The following CHD6 variants were observed in gnomAD, a reference collection of about 807,000 sequenced individuals.
CHD6 encodes the protein chromodomain helicase DNA binding protein 6, also known as ATP-dependent chromatin remodeler CHD6.
Under a neutral mutation model 276.9 loss-of-function variants are expected in CHD6, and 50 were observed. That is an observed-to-expected ratio of 0.18 (90% confidence interval 0.14 to 0.23). The LOEUF (loss-of-function observed/expected upper bound fraction) is 0.23. CHD6 is among the 10% of genes least tolerant of loss of function. The pLI is 1.00. For missense variants in CHD6, 2,564 were observed against 3,365.8 expected, an observed-to-expected ratio of 0.76 and a Z score of 5.89; for synonymous variants, 1,173 against 1,229.3, an observed-to-expected ratio of 0.95 and a Z score of 0.96.
intron 36 of CHD6, among the ~76,000 whole-genome samples, chr20:41,409,898 T>C (rs1355499150): frequency 6.6e-6 from 1 of 152,210 alleles, no homozygotes; most frequent in African/African-American, 2.4e-5. Context: ...AATATATACA[T>C]ATGTAACTTA....
At position 41,509,507 on chromosome 20, in the gene CHD6, G is replaced by A. The variant is rs572620388; in HGVS notation, c.852+3339C>T. ...CAGCTCGGAGGAGCAAGGAACTTTCGGGAGGAGGAAACAACTGAGCTCAGC... is the reference window on the plus strand; with the variant it reads ...CAGCTCGGAGGAGCAAGGAACTTTCAGGAGGAGGAAACAACTGAGCTCAGC... On this transcript the variant is annotated intron_variant, in intron 5 of 36. Coordinates refer to ENST00000373233, the MANE Select transcript of CHD6 (RefSeq NM_032221.5). Among the ~76,000 whole-genome samples, 74 of 152,234 alleles carry A rather than the reference G, an allele frequency of 4.9e-4. 1 individual carries two copies. Among genetic ancestry groups the A allele is most frequent in the African/African-American group, 1.8e-3 (73 of 41,538 alleles).
rs146041104 is a variant in CHD6 at position 41,420,610 on chromosome 20, C to T, written c.6025G>A (p.Val2009Ile). Residue 2009 changes from valine (V) to isoleucine (I), a missense_variant, in exon 31 of 37, where the codon GTT (valine) becomes ATT (isoleucine). Physicochemically the swap from Val to Ile is conservative, Grantham distance 29. This residue lies in a region of CHD6 where 1,024 missense variants were observed against 1,047.9 expected (regional missense o/e 0.98). Coordinates refer to ENST00000373233, the MANE Select transcript of CHD6 (RefSeq NM_032221.5). ...CCTTCAAGAGGATATGTGGGGAAAA[C>T]GTTTTGCCCCTCTGCACTTTCTTTC... ...PWKESAEGQN[V>I]FPTYPLEGSE... The T allele has an allele frequency of 4.3e-5, 70 of 1,614,196 alleles. No homozygotes were observed. The African/African-American group carries it at 4.8e-4, about 11-fold the overall frequency.
chr20:41,444,833 A>G (rs980674450), intron 25 of CHD6, among the ~76,000 whole-genome samples: 2 of 152,208 alleles, frequency 1.3e-5, no homozygotes, highest in African/African-American at 4.8e-5. Context: ...AAGTGAGAAA[A>G]TAAGAGAAGC....
At position 41,490,050 on chromosome 20, in the gene CHD6, C is replaced by T. The variant is rs373365755; in HGVS notation, c.1437-29G>A. The T allele has an allele frequency of 8.7e-6, 14 of 1,600,100 alleles. No homozygotes were observed. The South Asian group carries it at 1.5e-4, about 18-fold the overall frequency. ...CAGAGAGTGAGAAATATAGGTAATT[C>T]ATTATCAATATAGGAAACTTATAGA... On this transcript the variant is annotated intron_variant, in intron 11 of 36. Transcript: ENST00000373233.
chr20:41,548,970 G>C (rs1233052058), intron 2 of CHD6, among the ~76,000 whole-genome samples: 3 of 152,056 alleles, frequency 2.0e-5, no homozygotes, highest in Non-Finnish European at 4.4e-5. Flanking sequence ...TTAGAATGGC[G>C]TTCATTAAAA....
intron 1 of CHD6, among the ~76,000 whole-genome samples, chr20:41,604,398 G>A (rs2045805865): frequency 6.6e-6 from 1 of 152,168 alleles, no homozygotes; most frequent in Non-Finnish European, 1.5e-5. Context: ...GTCCTTAATA[G>A]TTTTTTAAAA....
intron 1 of CHD6, among the ~76,000 whole-genome samples, chr20:41,580,497 A>AC (rs1262086472): frequency 1.3e-5 from 2 of 151,978 alleles, no homozygotes; most frequent in East Asian, 3.9e-4. Context: ...TCTAAAAAAA[A>AC]ATAAAAAATT....
intron 31 of CHD6, 113 bp from the exon 32 acceptor site, chr20:41,417,462 G>T (rs1002907613): frequency 3.1e-5 from 27 of 879,266 alleles, no homozygotes; most frequent in Non-Finnish European, 4.4e-5. Flanking sequence ...AGCTCATTCT[G>T]TGCTATTTTA....
Position 41,569,378 on chromosome 20 carries a change from T to C in CHD6, c.-23-18018A>G, listed in dbSNP as rs115557939. Among the ~76,000 whole-genome samples, 1,263 of 152,354 alleles carry C rather than the reference T, an allele frequency of 8.3e-3. 17 individuals carry two copies. Among genetic ancestry groups the C allele is most frequent in the African/African-American group, 0.027 (1,119 of 41,590 alleles). The stretch of plus-strand genomic sequence containing the variant: ...ACAAATTGGTACAGACTTGGTCACC[T>C]ACTTTAAACTCATACTATATTAGCA... On this transcript the variant is annotated intron_variant, in intron 1 of 36. Transcript: ENST00000373233.
intron 1 of CHD6, among the ~76,000 whole-genome samples, chr20:41,585,330 C>G (rs551096196): frequency 6.6e-6 from 1 of 151,796 alleles, no homozygotes; most frequent in Admixed American, 6.6e-5. Context: ...ATGGAGAAAC[C>G]GTCTTTACTA....
chr20:41,574,386 T>C lies in CHD6; in HGVS notation c.-23-23026A>G, dbSNP rs4812528. On this transcript the variant is annotated intron_variant, in intron 1 of 36. Coordinates refer to ENST00000373233, the MANE Select transcript of CHD6 (RefSeq NM_032221.5). ...CTAGTTTTTTCTTCTCTGGGATAAA[T>C]ATACCAGGTTCCTAGCTCCTCTACT... is the stretch of plus-strand genomic sequence containing the variant. Among the ~76,000 whole-genome samples the C allele has an allele frequency of 8.2e-4, 125 of 152,204 alleles. 1 individual carries two copies. Among genetic ancestry groups the C allele is most frequent in the African/African-American group, 2.9e-3 (120 of 41,542 alleles).
intron 31 of CHD6, among the ~76,000 whole-genome samples, chr20:41,419,264 G>A (rs1445817292): frequency 6.6e-6 from 1 of 151,954 alleles, no homozygotes; most frequent in Non-Finnish European, 1.5e-5. Flanking sequence ...AAACCAAGAC[G>A]AGGAGTTTAA....
chr20:41,488,661 A>C, intron 12 of CHD6, 57 bp from the exon 13 acceptor site: 1 of 1,510,108 alleles, frequency 6.6e-7, no homozygotes. Context: ...AATTCTGCTA[A>C]TATCTGCTGG....
chr20:41,503,974 A>T (rs374610460), intron 5 of CHD6, among the ~76,000 whole-genome samples: 3 of 144,332 alleles, frequency 2.1e-5, no homozygotes, highest in East Asian at 2.2e-4. Context: ...TCTACTTGGG[A>T]GGCTGAGGAA....
intron 3 of CHD6, among the ~76,000 whole-genome samples, chr20:41,519,436 T>C (rs1182869824): frequency 6.6e-6 from 1 of 152,246 alleles, no homozygotes; most frequent in Non-Finnish European, 1.5e-5. Flanking sequence ...TGAGGTTATT[T>C]ATTACAACAT....
intron 1 of CHD6, among the ~76,000 whole-genome samples, chr20:41,602,630 TGGGG>T (rs1387369281): frequency 6.6e-6 from 1 of 152,220 alleles, no homozygotes; most frequent in Non-Finnish European, 1.5e-5. Flanking sequence ...TACAAGTCAG[TGGGG>T]TCATCACCAG....
At chr20:41,479,539 GA>G (rs1439878749) in intron 16 of CHD6, among the ~76,000 whole-genome samples, 7 of 150,778 alleles carry the variant, frequency 4.6e-5, no homozygotes, top group African/African-American at 1.5e-4. Flanking sequence ...GGAAGAAAAG[GA>G]AAAAAAAGTG....
At chr20:41,453,720 C>A (rs1490044908) in intron 20 of CHD6, among the ~76,000 whole-genome samples, 1 of 152,172 alleles carries the variant, frequency 6.6e-6, no homozygotes, top group Admixed American at 6.5e-5. Flanking sequence ...GACCCAGTGT[C>A]CTGCACACAC....
intron 23 of CHD6, among the ~76,000 whole-genome samples, chr20:41,448,902 T>C (rs2048151570): frequency 6.6e-6 from 1 of 151,140 alleles, no homozygotes; most frequent in African/African-American, 2.4e-5. Context: ...ATTCTGAGAG[T>C]ATTTTTTTTT....
Sources: gnomAD v4.1 joint callset for allele counts (sites outside exome capture counted in the v4.1 genomes callset) on GRCh38, gnomAD v4.1.1 for gene constraint, gnomAD v4.1.1 regional missense constraint, MANE v1.5 for transcripts, NCBI Gene and HGNC (gene_info 2026-07-23, HGNC 2026-07-21) for gene names.